ADAMTS19: variants seen among roughly 807,000 people sequenced by gnomAD.
The protein encoded by ADAMTS19 is A disintegrin and metalloproteinase with thrombospondin motifs 19.
ADAMTS19 carries 93 observed loss-of-function variants against 153.3 expected under a neutral mutation model. The observed-to-expected ratio is 0.61, with a 90% CI of 0.51 to 0.72. The LOEUF (loss-of-function observed/expected upper bound fraction) is 0.72. ADAMTS19 is among the 30% of genes least tolerant of loss of function. The pLI, the probability that ADAMTS19 is intolerant of heterozygous loss-of-function variation, is 0.00. For missense variants in ADAMTS19, 1,482 were observed against 1,552.1 expected (o/e 0.95, Z 0.76); for synonymous variants, 600 against 556.6 (o/e 1.08, Z -1.10).
intron 2 of ADAMTS19, among the ~76,000 whole-genome samples, chr5:129,472,612 A>C (rs1044536529): frequency 6.6e-6 from 1 of 152,158 alleles, no homozygotes; most frequent in Non-Finnish European, 1.5e-5. Flanking sequence ...CCACTCTTCA[A>C]ATAAAAAGAA....
At chr5:129,679,227 C>G (rs1754683679) in intron 16 of ADAMTS19, among the ~76,000 whole-genome samples, 1 of 152,120 alleles carries the variant, frequency 6.6e-6, no homozygotes, top group South Asian at 2.1e-4. Flanking sequence ...TTAAAAGGTC[C>G]TGGGTCTGTT....
chr5:129,654,765 T>C (rs1430331381), intron 14 of ADAMTS19, among the ~76,000 whole-genome samples: 1 of 152,132 alleles, frequency 6.6e-6, no homozygotes, highest in Non-Finnish European at 1.5e-5. Context: ...ATTCAAGCAC[T>C]CTAGTTCTCC....
At chr5:129,626,691 A>G (rs1049855562) in intron 10 of ADAMTS19, among the ~76,000 whole-genome samples, 6 of 152,142 alleles carry the variant, frequency 3.9e-5, no homozygotes, top group Non-Finnish European at 5.9e-5. Context: ...GATTTGACAA[A>G]TATTTATTAA....
At chr5:129,530,760 C>A (rs1264753878) in intron 6 of ADAMTS19, among the ~76,000 whole-genome samples, 1 of 151,794 alleles carries the variant, frequency 6.6e-6, no homozygotes, top group Non-Finnish European at 1.5e-5. Flanking sequence ...AGGATGTCCC[C>A]TCTTACCACT....
chr5:129,460,361 G>C lies in ADAMTS19; in HGVS notation c.-31G>C. 1.3e-6 allele frequency: 2 copies of C among 1,581,800 alleles called. No homozygotes were observed. Among genetic ancestry groups the C allele is most frequent in the Non-Finnish European group, 1.7e-6 (2 of 1,159,006 alleles). Reference sequence around the variant, plus strand: ...GTGGATCGCGCTGGAGGCGTGCGCCGGGCGAGAAGCCGCGGCCGCGGGAGC... The same window carrying C: ...GTGGATCGCGCTGGAGGCGTGCGCCCGGCGAGAAGCCGCGGCCGCGGGAGC... On this transcript the variant is annotated 5_prime_UTR_variant, in exon 1 of 23. Transcript: ENST00000274487.
intron 2 of ADAMTS19, among the ~76,000 whole-genome samples, chr5:129,495,431 T>C (rs2126699062): frequency 6.6e-6 from 1 of 152,096 alleles, no homozygotes; most frequent in East Asian, 1.9e-4. Context: ...TCACAAATGG[T>C]TATACTAACG....
chr5:129,636,336 T>C (rs1300278969), intron 10 of ADAMTS19, among the ~76,000 whole-genome samples: 1 of 152,254 alleles, frequency 6.6e-6, no homozygotes, highest in Non-Finnish European at 1.5e-5. Context: ...AATCCACCAT[T>C]CCAGAAGGGG....
chr5:129,576,422 C>A (rs1754102710), intron 7 of ADAMTS19, among the ~76,000 whole-genome samples: 1 of 151,986 alleles, frequency 6.6e-6, no homozygotes, highest in Admixed American at 6.6e-5. Context: ...ATACACGGAG[C>A]AGGGCAAAAA....
chr5:129,656,813 G>A lies in ADAMTS19; in HGVS notation c.2305-1804G>A, dbSNP rs114160384. Among the ~76,000 whole-genome samples, 632 of 152,104 alleles carry A rather than the reference G, an allele frequency of 4.2e-3. 5 individuals carry two copies. Among genetic ancestry groups the A allele is most frequent in the African/African-American group, 0.015 (609 of 41,478 alleles). ...TTGTAATATCCTAGTTAAAGGACTG[G>A]GAAAAACTAAGAAACTACTAACTAC... On this transcript the variant is annotated intron_variant, in intron 14 of 22. Coordinates refer to ENST00000274487, the MANE Select transcript of ADAMTS19 (RefSeq NM_133638.6).
At chr5:129,693,799 G>T (rs1472210576) in intron 18 of ADAMTS19, among the ~76,000 whole-genome samples, 2 of 152,142 alleles carry the variant, frequency 1.3e-5, no homozygotes, top group African/African-American at 4.8e-5. Flanking sequence ...AGAGAAAGTA[G>T]AAAAGCCAAG....
chr5:129,519,628 T>C, intron 3 of ADAMTS19, among the ~76,000 whole-genome samples: 1 of 144,586 alleles, frequency 6.9e-6, no homozygotes, highest in African/African-American at 2.6e-5. Flanking sequence ...TAGGCTGCCC[T>C]CCCTATTCTC....
intron 3 of ADAMTS19, among the ~76,000 whole-genome samples, chr5:129,525,123 G>A (rs1189740338): frequency 6.6e-6 from 1 of 152,104 alleles, no homozygotes; most frequent in Non-Finnish European, 1.5e-5. Context: ...GCCACTCTGA[G>A]TAGTTTGTAC....
At chr5:129,639,250 A>T (rs1335306469) in intron 10 of ADAMTS19, among the ~76,000 whole-genome samples, 1 of 152,148 alleles carries the variant, frequency 6.6e-6, no homozygotes, top group Non-Finnish European at 1.5e-5. Context: ...TCTGCCCTTT[A>T]GAAAGGGCTT....
At chr5:129,650,135 T>A (rs1028739123) in intron 13 of ADAMTS19, among the ~76,000 whole-genome samples, 3 of 152,286 alleles carry the variant, frequency 2.0e-5, no homozygotes, top group Non-Finnish European at 2.9e-5. Flanking sequence ...GGTGCCACTT[T>A]ACTCTAGCCT....
chr5:129,709,339 T>A (rs1355491262), intron 21 of ADAMTS19, among the ~76,000 whole-genome samples: 1 of 152,038 alleles, frequency 6.6e-6, no homozygotes, highest in African/African-American at 2.4e-5. Context: ...TGAAAAAAAA[T>A]ATATTGACTA....
chr5:129,471,065 A>G, intron 2 of ADAMTS19, among the ~76,000 whole-genome samples: 1 of 135,178 alleles, frequency 7.4e-6, no homozygotes, highest in Admixed American at 7.2e-5. Context: ...ATCAGGATCA[A>G]AATCAGGCGG....
intron 2 of ADAMTS19, among the ~76,000 whole-genome samples, chr5:129,506,141 T>C (rs114520527): frequency 0.01 from 1,538 of 150,920 alleles, 21 homozygotes; most frequent in African/African-American, 0.034. Context: ...AGTGAGCCCT[T>C]TGCGGGGACA....
chr5:129,584,610 A>G (rs1416014596), intron 7 of ADAMTS19, among the ~76,000 whole-genome samples: 1 of 152,196 alleles, frequency 6.6e-6, no homozygotes, highest in Non-Finnish European at 1.5e-5. Context: ...CGAGGAATCT[A>G]GAGAGCCAGT....
intron 7 of ADAMTS19, among the ~76,000 whole-genome samples, chr5:129,556,595 A>T (rs1298476027): frequency 3.9e-5 from 6 of 152,146 alleles, no homozygotes; most frequent in Non-Finnish European, 2.9e-5. Flanking sequence ...CTGACCTTGA[A>T]ATAGGGAGAT....
Sources: allele counts gnomAD v4.1 joint callset (sites outside exome capture counted in the v4.1 genomes callset), GRCh38; gene constraint gnomAD v4.1.1; transcripts MANE v1.5; gene names NCBI Gene and HGNC (gene_info 2026-07-23, HGNC 2026-07-21).